The following DLL4 variants were observed in gnomAD, a reference collection of about 807,000 sequenced individuals.
The protein encoded by DLL4 is delta-like protein 4.
In DLL4, 7 loss-of-function variants were observed where a neutral mutation model predicts 73.6. The ratio of observed to expected loss-of-function variants is 0.10; its 90% confidence interval spans 0.05 to 0.18. DLL4 has a LOEUF of 0.18. Among genes scored for constraint, DLL4 ranks in the 10% least tolerant of loss-of-function variants. DLL4 has a pLI of 1.00. For missense variants in DLL4, 614 were observed against 929.9 expected (o/e 0.66, Z 4.42); for synonymous variants, 345 against 374.3 (o/e 0.92, Z 0.90).
Position 40,935,162 on chromosome 15 carries a change from TGA to T in DLL4, c.1240+52_1240+53del, listed in dbSNP as rs757934589. ...TAACCTGGTGGACTGGCCCTGGGGC[TGA>T]GAGAGACTTCTGGTGAGGGAGGGTC... is the stretch of plus-strand genomic sequence containing the variant. On this transcript the variant is annotated intron_variant, in intron 8 of 10. Transcript: ENST00000249749. The T allele has an allele frequency of 2.4e-5, 37 of 1,557,740 alleles. 1 individual carries two copies. In the African/African-American group the frequency reaches 3.8e-4, roughly 16 times the overall value.
At position 40,938,881 on chromosome 15, in the gene DLL4, A is replaced by G. The variant is rs530538599; in HGVS notation, c.*847A>G. On this transcript the variant is annotated 3_prime_UTR_variant, in exon 11 of 11. Coordinates refer to ENST00000249749, the MANE Select transcript of DLL4 (RefSeq NM_019074.4). ...CTGGGCTCTGGTCCACTACTGCCCC[A>G]GACCACCCTCAAAGCTGGTCTTCAG... The G allele has an allele frequency of 6.6e-6, 1 of 151,592 alleles. No homozygotes were observed. The highest frequency in any genetic ancestry group is 1.5e-5 in the Non-Finnish European group (1 of 67,938). 9.4% of individuals were successfully genotyped at this position (151,592 alleles called of 1,614,324 possible).
intron 9 of DLL4, 42 bp downstream of exon 9, chr15:40,936,972 G>A (rs772661448): frequency 8.0e-6 from 12 of 1,493,554 alleles, no homozygotes; most frequent in Middle Eastern, 1.8e-4. Flanking sequence ...CACCGGCCCC[G>A]ACATGGTTCT....
Position 40,930,696 on chromosome 15 carries a change from T to C in DLL4, c.394+14T>C, listed in dbSNP as rs770642219. 6 of 1,612,898 alleles carry C rather than the reference T, an allele frequency of 3.7e-6. No homozygotes were observed. Among genetic ancestry groups the C allele is most frequent in the Non-Finnish European group, 5.1e-6 (6 of 1,179,302 alleles). ...ACCTGCGGCCAGGTGAGTAGCTCGC[T>C]CCGCCACCACAGGGGGGCGACACGG... On this transcript the variant is annotated intron_variant, in intron 3 of 10. Coordinates refer to ENST00000249749, the MANE Select transcript of DLL4 (RefSeq NM_019074.4). The surrounding 1 kb of genome is among the most constrained non-coding windows in gnomAD (Gnocchi z 5.7).
Position 40,930,796 on chromosome 15 carries a change from T to C in DLL4, c.394+114T>C, listed in dbSNP as rs1447419063. On this transcript the variant is annotated intron_variant, in intron 3 of 10. Coordinates refer to ENST00000249749, the MANE Select transcript of DLL4 (RefSeq NM_019074.4). This position sits in a 1 kb window ranked among gnomAD's most constrained non-coding sequence, Gnocchi z 5.7. Reference sequence around the variant, plus strand: ...GGGGGTGGGAGGCAGGACGCTTAGCTTGGCCTGGAGCTGCGCCCCGCGCTG... The same window carrying C: ...GGGGGTGGGAGGCAGGACGCTTAGCCTGGCCTGGAGCTGCGCCCCGCGCTG... The C allele has an allele frequency of 1.8e-6, 2 of 1,120,318 alleles. No individual in the cohort carries two copies. The highest frequency in any genetic ancestry group is 2.6e-6 in the Non-Finnish European group (2 of 765,600). 69.4% of individuals were successfully genotyped at this position (1,120,318 alleles called of 1,614,324 possible). A position where few individuals can be genotyped will look rare whatever the true frequency, so the allele number is the denominator to read the frequency against.
chr15:40,937,606 C>A, intron 10 of DLL4, 80 bp downstream of exon 10: 1 of 1,063,532 alleles, frequency 9.4e-7, no homozygotes. Flanking sequence ...TGGGCCATTC[C>A]TGAAGGGTAG....
intron 8 of DLL4, 57 bp from the exon 9 acceptor site, chr15:40,936,171 C>A: frequency 1.4e-6 from 2 of 1,445,914 alleles, no homozygotes; most frequent in South Asian, 2.8e-5. Context: ...GGCTCCCACC[C>A]CCTGCCCCAG....
chr15:40,929,856 G>C lies in DLL4; in HGVS notation c.76G>C (p.Gly26Arg). ...GGTCCCTGTGCAATAGCGCGCGGCCGGCTCCGGCGTCTTCCAGCTGCAGCT... is the reference window on the plus strand; with the variant it reads ...GGTCCCTGTGCAATAGCGCGCGGCCCGCTCCGGCGTCTTCCAGCTGCAGCT... ...LVALWQQRAAGSGVFQLQLQE... is the reference protein window; with the variant it reads ...LVALWQQRAARSGVFQLQLQE... Residue 26 changes from glycine (G) to arginine (R), a missense_variant, in exon 2 of 11, where the codon GGC becomes CGC. Gly to Arg is a moderately radical substitution (Grantham distance 125). Around this residue, in one of 3 missense-constraint regions of DLL4, gnomAD observed 227 missense variants for 370.8 expected, o/e 0.61. Transcript: ENST00000249749. This position sits in a 1 kb window ranked among gnomAD's most constrained non-coding sequence, Gnocchi z 7.1. 1 of 1,611,472 alleles carries C rather than the reference G, an allele frequency of 6.2e-7. No individual in the cohort carries two copies. Among genetic ancestry groups the C allele is most frequent in the South Asian group, 1.1e-5 (1 of 91,032 alleles).
intron 8 of DLL4, 83 bp downstream of exon 8, chr15:40,935,200 C>T (rs779485886): frequency 5.4e-5 from 72 of 1,341,352 alleles, no homozygotes; most frequent in Non-Finnish European, 6.9e-5. Flanking sequence ...AGGAGAGGAG[C>T]GAGGCATTGT....
chr15:40,936,199 A>G, intron 8 of DLL4, 29 bp from the exon 9 acceptor site: 2 of 1,528,854 alleles, frequency 1.3e-6, no homozygotes, highest in Non-Finnish European at 1.8e-6. Context: ...CCAGGCTATC[A>G]CTGACTTGTG....
chr15:40,935,405 G>T (rs1446708500), intron 8 of DLL4, among the ~76,000 whole-genome samples: 1 of 152,216 alleles, frequency 6.6e-6, no homozygotes, highest in Non-Finnish European at 1.5e-5. Flanking sequence ...TCCCCAGGAA[G>T]TCCTGAGCTG....
chr15:40,932,997 T>A (rs1353948610), intron 6 of DLL4, among the ~76,000 whole-genome samples: 1 of 152,164 alleles, frequency 6.6e-6, no homozygotes, highest in Non-Finnish European at 1.5e-5. Context: ...ACCCATGCGG[T>A]CTCTACCTGG....
Position 40,929,517 on chromosome 15 carries a change from A to G in DLL4, c.-152A>G. 2 of 703,814 alleles carry G rather than the reference A, an allele frequency of 2.8e-6. No individual in the cohort carries two copies. The highest frequency in any genetic ancestry group is 4.1e-5 in the South Asian group (2 of 48,712). 43.6% of individuals were successfully genotyped at this position (703,814 alleles called of 1,614,324 possible). ...CTGGATTACCTACAGCGGCAGCTGC[A>G]GCGGAGCCAGCGAGAAGGCCAAAGG... On this transcript the variant is annotated 5_prime_UTR_variant, in exon 1 of 11. Coordinates refer to ENST00000249749, the MANE Select transcript of DLL4 (RefSeq NM_019074.4). This position sits in a 1 kb window ranked among gnomAD's most constrained non-coding sequence, Gnocchi z 7.1.
chr15:40,932,252 G>C (rs1892781087), intron 5 of DLL4, 21 bp downstream of exon 5: 5 of 1,614,030 alleles, frequency 3.1e-6, no homozygotes, highest in Non-Finnish European at 4.2e-6. Context: ...GACAGGAAGT[G>C]GTGAGTGGGA....
chr15:40,932,133 G>T (rs1186981225), intron 4 of DLL4, 38 bp from the exon 5 acceptor site: 1 of 1,612,650 alleles, frequency 6.2e-7, no homozygotes, highest in South Asian at 1.1e-5. Flanking sequence ...AGAGTCCTTG[G>T]TATCCCAGCC....
rs775498713 is a variant in DLL4, at chr15:40,929,778, G to A, written c.66+44G>A. ...TCTCCGTCCCCTCTGCCGCGCTCTG[G>A]GCCTCAGCCCCGGGCACCAGCTGAG... On this transcript the variant is annotated intron_variant, in intron 1 of 10. Coordinates refer to ENST00000249749, the MANE Select transcript of DLL4 (RefSeq NM_019074.4). The surrounding 1 kb of genome is among the most constrained non-coding windows in gnomAD (Gnocchi z 7.1). 1 of 1,605,650 alleles carries A rather than the reference G, an allele frequency of 6.2e-7. No homozygotes were observed. The highest frequency in any genetic ancestry group is 1.7e-5 in the Admixed American group (1 of 59,662).
chr15:40,931,735 G>T lies in DLL4; in HGVS notation c.627G>T (p.Leu209=). ...VCQPDGNLSC[L]PGWTGEYCQQ... ...AGCCAGATGGCAACTTGTCCTGCCTGCCCGGTTGGACTGGGGAATATTGCC... is the reference window on the plus strand; with the variant it reads ...AGCCAGATGGCAACTTGTCCTGCCTTCCCGGTTGGACTGGGGAATATTGCC... Residue 209 remains leucine (L), a synonymous_variant, in exon 4 of 11, where the codon CTG becomes CTT. Coordinates refer to ENST00000249749, the MANE Select transcript of DLL4 (RefSeq NM_019074.4). The T allele has an allele frequency of 6.2e-7, 1 of 1,613,780 alleles. No homozygotes were observed. Among genetic ancestry groups the T allele is most frequent in the Non-Finnish European group, 8.5e-7 (1 of 1,179,888 alleles).
rs113508793 is a variant in DLL4, at chr15:40,933,268, TTGTGTGTG to T, written c.850+845_850+852del. 5.4e-5 allele frequency among the ~76,000 whole-genome samples: 8 copies of T among 147,450 alleles called. No homozygotes were observed. In the East Asian group the frequency reaches 1.0e-3, roughly 19 times the overall value. Reference sequence around the variant, plus strand: ...AGGGGCTTGGGATTCAGTCCCTGTGTTGTGTGTGTGTGTGTGTGTGTGTGTGTGTGTCT... The same window carrying T: ...AGGGGCTTGGGATTCAGTCCCTGTGTTGTGTGTGTGTGTGTGTGTGTGTCT... On this transcript the variant is annotated intron_variant, in intron 6 of 10. Transcript: ENST00000249749.
rs1190362362 is a variant in DLL4 at position 40,938,331 on chromosome 15, G to A, written c.*297G>A. On this transcript the variant is annotated 3_prime_UTR_variant, in exon 11 of 11. Coordinates refer to ENST00000249749, the MANE Select transcript of DLL4 (RefSeq NM_019074.4). Reference sequence around the variant, plus strand: ...TAGTGGCCTTCAGGGGGCTCCTTCCGGGGCTCCGGCCTGTTTTCCAGAGAG... The same window carrying A: ...TAGTGGCCTTCAGGGGGCTCCTTCCAGGGCTCCGGCCTGTTTTCCAGAGAG... The A allele has an allele frequency of 2.2e-5, 7 of 315,070 alleles. No homozygotes were observed. Among genetic ancestry groups the A allele is most frequent in the Non-Finnish European group, 4.0e-5 (7 of 172,904 alleles). 19.5% of individuals were successfully genotyped at this position (315,070 alleles called of 1,614,324 possible).
Position 40,938,044 on chromosome 15 carries a change from C to T in DLL4, c.*10C>T. The T allele has an allele frequency of 6.3e-7, 1 of 1,576,708 alleles. No homozygotes were observed. ...TTGCTCCCAGGTATAAGGCAGGAGC[C>T]TACCTGGACATCCCTGCTCAGCCCC... On this transcript the variant is annotated 3_prime_UTR_variant, in exon 11 of 11. Transcript: ENST00000249749.
Sources: allele counts gnomAD v4.1 joint callset (sites outside exome capture counted in the v4.1 genomes callset), GRCh38; gene constraint gnomAD v4.1.1; regional missense constraint gnomAD v4.1.1; non-coding constraint Gnocchi (gnomAD v3.1); transcripts MANE v1.5; gene names NCBI Gene and HGNC (gene_info 2026-07-23, HGNC 2026-07-21).